Variants in PPM1L observed in about 807,000 individuals in gnomAD.
PPM1L encodes the protein protein phosphatase 1L.
A neutral mutation model predicts 31.4 loss-of-function variants in PPM1L; 13 were observed. The ratio of observed to expected loss-of-function variants is 0.41; its 90% confidence interval spans 0.27 to 0.66. PPM1L has a LOEUF of 0.66. Ranked by LOEUF, PPM1L falls within the 30% of genes least tolerant of loss-of-function variation. PPM1L has a pLI of 0.29. For missense variants in PPM1L, 326 were observed against 453.7 expected, an observed-to-expected ratio of 0.72 and a Z score of 2.56; for synonymous variants, 184 against 175.4, an observed-to-expected ratio of 1.05 and a Z score of -0.39.
At chr3:161,010,651 G>A (rs1420648948) in intron 2 of PPM1L, among the ~76,000 whole-genome samples, 4 of 152,184 alleles carry the variant, frequency 2.6e-5, no homozygotes, top group African/African-American at 9.7e-5. Context: ...CAGTGTAAAA[G>A]TGTTCCTATT....
intron 1 of PPM1L, among the ~76,000 whole-genome samples, chr3:160,874,712 G>A (rs145937355): frequency 1.6e-4 from 24 of 152,290 alleles, no homozygotes; most frequent in African/African-American, 5.8e-4. Context: ...TGGGTTCCAA[G>A]GCAAGGCCCT....
At chr3:160,981,278 T>A (rs889557818) in intron 2 of PPM1L, among the ~76,000 whole-genome samples, 9 of 152,194 alleles carry the variant, frequency 5.9e-5, no homozygotes, top group Non-Finnish European at 1.2e-4. Context: ...TCTCATGTAG[T>A]TGCATTCAAG....
intron 1 of PPM1L, among the ~76,000 whole-genome samples, chr3:160,800,745 C>T (rs1712399864): frequency 6.6e-6 from 1 of 152,134 alleles, no homozygotes; most frequent in Admixed American, 6.5e-5. Flanking sequence ...TGGTTCTTCA[C>T]CTCTGATTCT....
Position 160,936,714 on chromosome 3 carries a change from A to G in PPM1L, c.400-25022A>G, listed in dbSNP as rs74744632. On this transcript the variant is annotated intron_variant, in intron 1 of 3. Transcript: ENST00000498165. ...AGATTTTGTTTCCCAAATGGACTTAATAAATCCTACCTGATATTATATTTC... is the reference window on the plus strand; with the variant it reads ...AGATTTTGTTTCCCAAATGGACTTAGTAAATCCTACCTGATATTATATTTC... Among the ~76,000 whole-genome samples the G allele has an allele frequency of 2.0e-3, 303 of 152,362 alleles. 1 individual carries two copies. The highest frequency in any genetic ancestry group is 4.1e-3 in the South Asian group (20 of 4,832).
intron 1 of PPM1L, among the ~76,000 whole-genome samples, chr3:160,820,490 C>T (rs1008966828): frequency 6.6e-6 from 1 of 152,018 alleles, no homozygotes; most frequent in Non-Finnish European, 1.5e-5. Flanking sequence ...CTATTGATTT[C>T]ATTTCTTTGT....
intron 2 of PPM1L, among the ~76,000 whole-genome samples, chr3:161,010,858 T>A (rs1034697425): frequency 6.6e-6 from 1 of 152,230 alleles, no homozygotes; most frequent in African/African-American, 2.4e-5. Flanking sequence ...TTTGCCCACT[T>A]TGTAATGGGG....
At chr3:161,037,957 G>C (rs1224759867) in intron 2 of PPM1L, among the ~76,000 whole-genome samples, 2 of 152,052 alleles carry the variant, frequency 1.3e-5, no homozygotes, top group South Asian at 4.1e-4. Flanking sequence ...ACAGTGGCCG[G>C]GCGCGGTGGC....
At chr3:160,843,429 TATATATA>T (rs1713962499) in intron 1 of PPM1L, among the ~76,000 whole-genome samples, 3 of 42,520 alleles carry the variant, frequency 7.1e-5, no homozygotes, top group African/African-American at 3.4e-4. Context: ...AATTCTTTTA[TATATATA>T]TATATATATA....
chr3:160,820,320 G>A (rs1253400797), intron 1 of PPM1L, among the ~76,000 whole-genome samples: 1 of 152,010 alleles, frequency 6.6e-6, no homozygotes, highest in Non-Finnish European at 1.5e-5. Context: ...GTGCTACAAA[G>A]CTAGAGAATC....
chr3:160,960,978 C>T (rs761945827), intron 1 of PPM1L, among the ~76,000 whole-genome samples: 2 of 152,126 alleles, frequency 1.3e-5, no homozygotes, highest in Non-Finnish European at 2.9e-5. Flanking sequence ...AAAATCACTG[C>T]ATGTAATTAG....
chr3:161,068,495 C>G (rs1719808687), intron 3 of PPM1L, among the ~76,000 whole-genome samples: 1 of 152,228 alleles, frequency 6.6e-6, no homozygotes. Context: ...CCCTCATGCT[C>G]TCTACTGTCA....
intron 1 of PPM1L, among the ~76,000 whole-genome samples, chr3:160,872,170 C>G (rs1443804630): frequency 1.3e-5 from 2 of 152,106 alleles, no homozygotes; most frequent in Non-Finnish European, 2.9e-5. Flanking sequence ...TGGCCATTTT[C>G]TGTCAGTTTT....
intron 1 of PPM1L, among the ~76,000 whole-genome samples, chr3:160,844,210 C>T (rs1051463573): frequency 2.0e-5 from 3 of 152,150 alleles, no homozygotes; most frequent in African/African-American, 7.2e-5. Context: ...TTTCTCTTTA[C>T]ATAAGTGGAC....
chr3:160,844,295 A>G (rs879317030), intron 1 of PPM1L, among the ~76,000 whole-genome samples: 5 of 152,220 alleles, frequency 3.3e-5, no homozygotes, highest in African/African-American at 7.2e-5. Flanking sequence ...TTTAGCCTTC[A>G]GACTTTCTGA....
rs1014859675 is a variant in PPM1L, at chr3:161,070,051, T to C, written c.*894T>C. On this transcript the variant is annotated 3_prime_UTR_variant, in exon 4 of 4. Transcript: ENST00000498165. Reference sequence around the variant, plus strand: ...TTTCAACAGTAGATGAAGGAAATGATACTGAATGAGTCACAGTGTTCCCTG... The same window carrying C: ...TTTCAACAGTAGATGAAGGAAATGACACTGAATGAGTCACAGTGTTCCCTG... 4 of 152,186 alleles carry C rather than the reference T, an allele frequency of 2.6e-5. No individual in the cohort carries two copies. The highest frequency in any genetic ancestry group is 4.8e-5 in the African/African-American group (2 of 41,426). The allele number at this position is 152,186 out of a possible 1,614,324, so 9.4% of individuals were successfully genotyped here.
intron 2 of PPM1L, among the ~76,000 whole-genome samples, chr3:160,998,393 T>C (rs1717387799): frequency 6.6e-6 from 1 of 152,216 alleles, no homozygotes; most frequent in Non-Finnish European, 1.5e-5. Context: ...GCAAAAATTA[T>C]GTACAGAACC....
chr3:160,961,715 C>G, intron 1 of PPM1L, 21 bp from the exon 2 acceptor site: 1 of 1,566,400 alleles, frequency 6.4e-7, no homozygotes, highest in Non-Finnish European at 8.6e-7. Context: ...AGTTCTCTCT[C>G]TCTGACTGTT....
At chr3:160,958,511 G>A (rs184453379) in intron 1 of PPM1L, among the ~76,000 whole-genome samples, 360 of 152,308 alleles carry the variant, frequency 2.4e-3, no homozygotes, top group African/African-American at 8.4e-3. Flanking sequence ...ATTACACTGA[G>A]TAACAAGGTA....
At chr3:160,820,512 G>A (rs1019457165) in intron 1 of PPM1L, among the ~76,000 whole-genome samples, 2 of 152,012 alleles carry the variant, frequency 1.3e-5, no homozygotes, top group Non-Finnish European at 2.9e-5. Flanking sequence ...TTCAGCCCCA[G>A]TAGTAACTCT....
Sources: gnomAD v4.1 joint callset for allele counts (sites outside exome capture counted in the v4.1 genomes callset) on GRCh38, gnomAD v4.1.1 for gene constraint, MANE v1.5 for transcripts, NCBI Gene and HGNC (gene_info 2026-07-23, HGNC 2026-07-21) for gene names.